The following RPS6KA2 variants were observed in gnomAD, a reference collection of about 807,000 sequenced individuals.
The protein encoded by RPS6KA2 is ribosomal protein S6 kinase A2.
In RPS6KA2, 42 loss-of-function variants were observed where a neutral mutation model predicts 91.8. That is an observed-to-expected ratio of 0.46 (90% CI 0.36 to 0.59). The LOEUF is 0.59. RPS6KA2 is among the 20% of genes least tolerant of loss of function. The pLI is 0.00. For missense variants in RPS6KA2, 798 were observed against 978.5 expected (o/e 0.82, Z 2.46); for synonymous variants, 414 against 393.6 (o/e 1.05, Z -0.61).
chr6:166,465,188 AG>A, intron 11 of RPS6KA2: 1 of 152,354 alleles, frequency 6.6e-6, no homozygotes, highest in South Asian at 2.1e-4. Flanking sequence ...TGCATTGCAG[AG>A]GGAACGGCTT....
chr6:166,422,200 A>G (rs1364888246), intron 17 of RPS6KA2, among the ~76,000 whole-genome samples: 1 of 152,160 alleles, frequency 6.6e-6, no homozygotes. Flanking sequence ...GCACCCAGCC[A>G]AACTTGGTTA....
chr6:166,674,145 T>C (rs73259078), intron 2 of RPS6KA2, among the ~76,000 whole-genome samples: 3,820 of 152,266 alleles, frequency 0.025, 159 homozygotes, highest in African/African-American at 0.086. Context: ...AAATGCTGAG[T>C]TCCTCATCAA....
intron 2 of RPS6KA2, among the ~76,000 whole-genome samples, chr6:166,672,506 G>T (rs1788499254): frequency 6.6e-6 from 1 of 152,186 alleles, no homozygotes; most frequent in African/African-American, 2.4e-5. Context: ...GTGCCATGGA[G>T]GCAGAGTACC....
At chr6:166,581,079 T>C (rs1396375148) in intron 1 of RPS6KA2, among the ~76,000 whole-genome samples, 2 of 152,072 alleles carry the variant, frequency 1.3e-5, no homozygotes, top group Non-Finnish European at 2.9e-5. Context: ...TTTGTAATTT[T>C]TAGTAGATAG....
intron 10 of RPS6KA2, 103 bp downstream of exon 10, chr6:166,488,730 T>A (rs1671707286): frequency 2.5e-6 from 2 of 809,498 alleles, no homozygotes; most frequent in Non-Finnish European, 4.1e-6. Context: ...TGACCTTGGT[T>A]GGCATTGGGC....
intron 13 of RPS6KA2, among the ~76,000 whole-genome samples, chr6:166,449,281 T>C (rs1250291887): frequency 6.6e-6 from 1 of 152,122 alleles, no homozygotes; most frequent in African/African-American, 2.4e-5. Context: ...CTGACCTGCA[T>C]GCAGCAGCCC....
rs371614316 is a variant in RPS6KA2 at position 166,743,766 on chromosome 6, C to T, written c.123+114434G>A. ...GTAGAACGTTAACAAACCAGGCCCA[C>T]GGCAGACAGGGCTTTGGCTGGTGGT... On this transcript the variant is annotated intron_variant, in intron 2 of 21. Transcript: ENST00000503859. Among the ~76,000 whole-genome samples, 20 of 152,248 alleles carry T rather than the reference C, an allele frequency of 1.3e-4. No individual in the cohort carries two copies. In the East Asian group the frequency reaches 2.7e-3, roughly 21 times the overall value.
At chr6:166,778,828 G>C (rs559019331) in intron 2 of RPS6KA2, among the ~76,000 whole-genome samples, 7 of 152,310 alleles carry the variant, frequency 4.6e-5, no homozygotes, top group Admixed American at 4.6e-4. Flanking sequence ...TCCTGTCAGA[G>C]AGTGAGCTCC....
At chr6:166,764,168 G>A (rs1316966917) in intron 2 of RPS6KA2, among the ~76,000 whole-genome samples, 1 of 152,214 alleles carries the variant, frequency 6.6e-6, no homozygotes, top group Non-Finnish European at 1.5e-5. Flanking sequence ...GCGTGAGTGA[G>A]AGGGTGAGAG....
intron 1 of RPS6KA2, among the ~76,000 whole-genome samples, chr6:166,541,501 C>A (rs1436910768): frequency 6.6e-6 from 1 of 152,206 alleles, no homozygotes; most frequent in Non-Finnish European, 1.5e-5. Context: ...TGGGACTAGG[C>A]TCTGAAGCGA....
intron 2 of RPS6KA2, among the ~76,000 whole-genome samples, chr6:166,719,708 T>C (rs1175959558): frequency 2.0e-5 from 3 of 152,212 alleles, no homozygotes; most frequent in Non-Finnish European, 4.4e-5. Flanking sequence ...AAAACGTTCA[T>C]CAACGGAGGG....
intron 1 of RPS6KA2, among the ~76,000 whole-genome samples, chr6:166,592,591 G>A (rs1213442018): frequency 4.6e-5 from 7 of 152,042 alleles, no homozygotes; most frequent in Admixed American, 3.9e-4. Flanking sequence ...GTGAATCAGC[G>A]CCTGTCCTTA....
chr6:166,779,345 A>G (rs1054892060), intron 2 of RPS6KA2, among the ~76,000 whole-genome samples: 1 of 152,242 alleles, frequency 6.6e-6, no homozygotes, highest in African/African-American at 2.4e-5. Context: ...TGTAATTTAT[A>G]GATGCTGAGT....
intron 10 of RPS6KA2, among the ~76,000 whole-genome samples, chr6:166,485,161 G>C (rs1218140410): frequency 6.6e-6 from 1 of 152,226 alleles, no homozygotes; most frequent in Non-Finnish European, 1.5e-5. Flanking sequence ...CAGCAGCATA[G>C]AGAATGAGGG....
intron 15 of RPS6KA2, 28 bp from the exon 16 acceptor site, chr6:166,430,639 T>C: frequency 6.3e-7 from 1 of 1,591,852 alleles, no homozygotes; most frequent in Non-Finnish European, 8.6e-7. Flanking sequence ...GGCGCACACG[T>C]CACCACGGCT....
At chr6:166,589,446 G>A (rs1785287842) in intron 1 of RPS6KA2, among the ~76,000 whole-genome samples, 1 of 152,180 alleles carries the variant, frequency 6.6e-6, no homozygotes. Context: ...CAATTCATCG[G>A]CCAAAGACAC....
intron 1 of RPS6KA2, among the ~76,000 whole-genome samples, chr6:166,583,765 G>A (rs577519885): frequency 2.0e-5 from 3 of 152,236 alleles, no homozygotes; most frequent in African/African-American, 7.2e-5. Context: ...AGTCCAGGAG[G>A]CATCACGCCA....
intron 2 of RPS6KA2, among the ~76,000 whole-genome samples, chr6:166,838,482 CA>C (rs1234280355): frequency 2.6e-5 from 4 of 152,030 alleles, no homozygotes; most frequent in Non-Finnish European, 2.9e-5. Context: ...AAAATATTCA[CA>C]AAAAAATACA....
In RPS6KA2 at chr6:166,825,121, T is replaced by C. The variant is rs1055488415; in HGVS notation, c.123+33079A>G. On this transcript the variant is annotated intron_variant, in intron 2 of 21. Transcript: ENST00000503859. The surrounding 1 kb of genome is among the most constrained non-coding windows in gnomAD (Gnocchi z 4.1). ...GGGCCTCTAAAAACCCTTTTACAAA[T>C]GTCGCTTTCATGATCAGGAATCCAT... Among the ~76,000 whole-genome samples the C allele has an allele frequency of 6.6e-6, 1 of 152,214 alleles. No homozygotes were observed. Among genetic ancestry groups the C allele is most frequent in the East Asian group, 1.9e-4 (1 of 5,190 alleles).
Sources: allele counts gnomAD v4.1 joint callset (sites outside exome capture counted in the v4.1 genomes callset), GRCh38; gene constraint gnomAD v4.1.1; non-coding constraint Gnocchi (gnomAD v3.1); transcripts MANE v1.5; gene names NCBI Gene and HGNC (gene_info 2026-07-23, HGNC 2026-07-21).